The following CSMD1 variants were observed in gnomAD, a reference collection of about 807,000 sequenced individuals.
CSMD1 encodes CUB and sushi domain-containing protein 1.
CSMD1 carries 213 observed loss-of-function variants against 417.5 expected under a neutral mutation model. The observed-to-expected ratio is 0.51, with a 90% CI of 0.46 to 0.57. The LOEUF (loss-of-function observed/expected upper bound fraction) is 0.57. Among genes scored for constraint, CSMD1 ranks in the 20% least tolerant of loss-of-function variants. CSMD1 has a pLI of 0.00. For synonymous variants in CSMD1, 2,862 were observed against 1,736.8 expected, an observed-to-expected ratio of 1.65 and a Z score of -16.11; for missense variants, 6,923 against 4,529.7, an observed-to-expected ratio of 1.53 and a Z score of -15.17.
intron 7 of CSMD1, among the ~76,000 whole-genome samples, chr8:3,677,681 G>A (rs768165149): frequency 6.6e-6 from 1 of 152,130 alleles, no homozygotes; most frequent in Non-Finnish European, 1.5e-5. Context: ...GGGCTCTTTG[G>A]CCAGAGCTGG....
chr8:4,668,154 A>C (rs1419237645), intron 1 of CSMD1, among the ~76,000 whole-genome samples: 1 of 152,158 alleles, frequency 6.6e-6, no homozygotes, highest in Non-Finnish European at 1.5e-5. Context: ...TCTGAAGTTT[A>C]ATCAACTGCA....
chr8:3,839,932 G>C (rs759137316), intron 5 of CSMD1, among the ~76,000 whole-genome samples: 1 of 152,008 alleles, frequency 6.6e-6, no homozygotes, highest in Admixed American at 6.6e-5. Context: ...GAGATGCAGT[G>C]ATCTTCTGCT....
At chr8:3,895,381 T>A (rs1247777471) in intron 5 of CSMD1, among the ~76,000 whole-genome samples, 1 of 152,184 alleles carries the variant, frequency 6.6e-6, no homozygotes, top group Non-Finnish European at 1.5e-5. Flanking sequence ...TTTTATATAT[T>A]AAATGAAATA....
At chr8:3,949,682 G>A (rs144315483) in intron 5 of CSMD1, among the ~76,000 whole-genome samples, 2 of 152,048 alleles carry the variant, frequency 1.3e-5, no homozygotes, top group African/African-American at 2.4e-5. Context: ...AGGAGGAGAA[G>A]GAGGAATATT....
In CSMD1 at chr8:3,852,348, G is replaced by A. The variant is rs1338441006; in HGVS notation, c.819-98306C>T. ...AAGGGAGAATGGCCCGAAGGAAGCA[G>A]TGCAGGATAAGGGACACCCTCTCTA... On this transcript the variant is annotated intron_variant, in intron 5 of 69. Coordinates refer to ENST00000635120, the MANE Select transcript of CSMD1 (RefSeq NM_033225.6). 3.9e-5 allele frequency among the ~76,000 whole-genome samples: 6 copies of A among 152,232 alleles called. No homozygotes were observed. The South Asian group carries it at 8.3e-4, about 21-fold the overall frequency.
intron 5 of CSMD1, among the ~76,000 whole-genome samples, chr8:3,994,615 C>A (rs911749149): frequency 2.6e-5 from 4 of 151,794 alleles, no homozygotes; most frequent in Admixed American, 1.3e-4. Context: ...AATTAGAATC[C>A]GACTAGTTAA....
chr8:3,923,051 G>A (rs1192865257), intron 5 of CSMD1, among the ~76,000 whole-genome samples: 2 of 152,106 alleles, frequency 1.3e-5, no homozygotes, highest in Non-Finnish European at 2.9e-5. Flanking sequence ...GCAAAAACAA[G>A]TTGACCCTTT....
At chr8:4,121,399 G>A (rs371934134) in intron 3 of CSMD1, among the ~76,000 whole-genome samples, 1 of 152,138 alleles carries the variant, frequency 6.6e-6, no homozygotes, top group East Asian at 1.9e-4. Context: ...ACAGGCATGA[G>A]TGTCAATGTA....
intron 49 of CSMD1, among the ~76,000 whole-genome samples, chr8:3,057,152 C>A (rs2128991838): frequency 6.6e-6 from 1 of 152,158 alleles, no homozygotes; most frequent in Admixed American, 6.6e-5. Flanking sequence ...AAGATGGACT[C>A]ATTTTACACG....
chr8:3,840,148 T>A (rs1323124822), intron 5 of CSMD1, among the ~76,000 whole-genome samples: 1 of 152,172 alleles, frequency 6.6e-6, no homozygotes, highest in Non-Finnish European at 1.5e-5. Context: ...CCTTTATACT[T>A]AATGTTTTCT....
At chr8:4,395,364 G>T (rs1043022617) in intron 3 of CSMD1, among the ~76,000 whole-genome samples, 1 of 152,076 alleles carries the variant, frequency 6.6e-6, no homozygotes, top group African/African-American at 2.4e-5. Context: ...AAGACTAGGG[G>T]AGTAGTCCCA....
chr8:3,049,834 G>C (rs998387230), intron 50 of CSMD1, among the ~76,000 whole-genome samples: 2 of 152,124 alleles, frequency 1.3e-5, no homozygotes, highest in African/African-American at 4.8e-5. Context: ...GGTGTGAGGT[G>C]TTGATAGTGG....
chr8:3,446,522 A>T (rs574886548), intron 12 of CSMD1, among the ~76,000 whole-genome samples: 1 of 152,338 alleles, frequency 6.6e-6, no homozygotes, highest in South Asian at 2.1e-4. Context: ...TAGAAACAAA[A>T]AGCAAACTCA....
intron 3 of CSMD1, among the ~76,000 whole-genome samples, chr8:4,390,553 G>C (rs1283116283): frequency 1.5e-5 from 1 of 68,210 alleles, no homozygotes; most frequent in Admixed American, 1.4e-4. Flanking sequence ...TTGCTCTGTT[G>C]CCCAGGCTGG....
In CSMD1 at chr8:4,689,543, T is replaced by C. The variant is rs568875653; in HGVS notation, c.86-51985A>G. Among the ~76,000 whole-genome samples, 5 of 152,348 alleles carry C rather than the reference T, an allele frequency of 3.3e-5. No individual in the cohort carries two copies. The South Asian group carries it at 1.0e-3, about 32-fold the overall frequency. ...AAGTTTTAAAGTATCATAAGGATTA[T>C]TAAGAATATTCAAGTTACAATACAT... On this transcript the variant is annotated intron_variant, in intron 1 of 69. Transcript: ENST00000635120.
chr8:3,397,973 A>G (rs1401982658), intron 16 of CSMD1, among the ~76,000 whole-genome samples: 1 of 152,226 alleles, frequency 6.6e-6, no homozygotes, highest in Non-Finnish European at 1.5e-5. Context: ...TACTATGTCT[A>G]GAGTACAGAT....
chr8:3,513,844 G>T (rs1330413435), intron 10 of CSMD1, among the ~76,000 whole-genome samples: 1 of 152,122 alleles, frequency 6.6e-6, no homozygotes, highest in Non-Finnish European at 1.5e-5. Context: ...TTGCAGATTT[G>T]GAGAGAAGAT....
At chr8:4,794,810 A>G (rs1319319895) in intron 1 of CSMD1, among the ~76,000 whole-genome samples, 2 of 152,220 alleles carry the variant, frequency 1.3e-5, no homozygotes, top group Admixed American at 1.3e-4. Flanking sequence ...GAAGCACTCA[A>G]TGGTCCAAGT....
chr8:3,718,469 C>T (rs1199477442), intron 6 of CSMD1, among the ~76,000 whole-genome samples: 1 of 152,154 alleles, frequency 6.6e-6, no homozygotes, highest in Non-Finnish European at 1.5e-5. Flanking sequence ...TCATCTTTTG[C>T]ACCAGGAAAG....
Sources: allele counts gnomAD v4.1 joint callset (sites outside exome capture counted in the v4.1 genomes callset), GRCh38; gene constraint gnomAD v4.1.1; transcripts MANE v1.5; gene names NCBI Gene and HGNC (gene_info 2026-07-23, HGNC 2026-07-21).